The following CNTN3 variants were observed in gnomAD, a reference collection of about 807,000 sequenced individuals.
The protein encoded by CNTN3 is contactin 3.
CNTN3 carries 60 observed loss-of-function variants against 119.1 expected under a neutral mutation model. The ratio of observed to expected loss-of-function variants is 0.50; its 90% CI spans 0.41 to 0.62. The LOEUF (loss-of-function observed/expected upper bound fraction) is 0.62, where lower values mean the gene tolerates loss of function less well. Ranked by LOEUF, CNTN3 falls within the 20% of genes least tolerant of loss-of-function variation. The probability of loss-of-function intolerance (pLI) is 0.00; values close to 1 mark genes in which losing one functional copy is unlikely to be tolerated. For synonymous variants in CNTN3, 450 were observed against 438.7 expected, an observed-to-expected ratio of 1.03 and a Z score of -0.32; for missense variants, 1,101 against 1,242.4, an observed-to-expected ratio of 0.89 and a Z score of 1.71.
In CNTN3 at chr3:74,313,521, G is replaced by A. The variant is rs559805312; in HGVS notation, c.1669-10714C>T. Among the ~76,000 whole-genome samples, 3 of 152,102 alleles carry A rather than the reference G, an allele frequency of 2.0e-5. No homozygotes were observed. In the East Asian group the frequency reaches 5.8e-4, roughly 29 times the overall value. ...AGAGGTGTGGAAGCCATAGACTCTTGGCTCCCTAAATGCTTGCTTAGAAAT... is the reference window on the plus strand; with the variant it reads ...AGAGGTGTGGAAGCCATAGACTCTTAGCTCCCTAAATGCTTGCTTAGAAAT... On this transcript the variant is annotated intron_variant, in intron 13 of 22. Coordinates refer to ENST00000263665, the MANE Select transcript of CNTN3 (RefSeq NM_020872.3).
chr3:74,492,244 T>A (rs1390520573), intron 3 of CNTN3, among the ~76,000 whole-genome samples: 1 of 152,298 alleles, frequency 6.6e-6, no homozygotes, highest in South Asian at 2.1e-4. Flanking sequence ...TGAGCTTTCA[T>A]CCTCTTAAAC....
chr3:74,379,178 CAG>C lies in CNTN3; in HGVS notation c.455-7781_455-7780del, dbSNP rs1704551478. Among the ~76,000 whole-genome samples the C allele has an allele frequency of 3.3e-5, 5 of 152,210 alleles. No individual in the cohort carries two copies. In the South Asian group the frequency reaches 1.0e-3, roughly 32 times the overall value. On this transcript the variant is annotated intron_variant, in intron 5 of 22. Coordinates refer to ENST00000263665, the MANE Select transcript of CNTN3 (RefSeq NM_020872.3). ...TCTTCACTTTTGTTTTTCTTTGAGA[CAG>C]AGTCTTGGTCTGTTGCCCAGGCTGG...
chr3:74,393,255 G>A (rs1192794749), intron 5 of CNTN3, among the ~76,000 whole-genome samples: 1 of 152,086 alleles, frequency 6.6e-6, no homozygotes, highest in Non-Finnish European at 1.5e-5. Flanking sequence ...AGGAGCAGGA[G>A]GTCTGTGTCT....
At chr3:74,323,833 C>G (rs1267374518) in intron 13 of CNTN3, among the ~76,000 whole-genome samples, 1 of 152,118 alleles carries the variant, frequency 6.6e-6, no homozygotes, top group Admixed American at 6.5e-5. Flanking sequence ...TTATAAACTG[C>G]AGCTCTTTCC....
intron 14 of CNTN3, among the ~76,000 whole-genome samples, chr3:74,302,467 T>TG (rs1480880019): frequency 6.6e-6 from 1 of 152,210 alleles, no homozygotes; most frequent in Non-Finnish European, 1.5e-5. Context: ...GCAGCAGCTG[T>TG]GGAATGCCAA....
chr3:74,492,174 T>C lies in CNTN3; in HGVS notation c.183-5543A>G, dbSNP rs1326819400. 2.0e-5 allele frequency among the ~76,000 whole-genome samples: 3 copies of C among 152,194 alleles called. No individual in the cohort carries two copies. The East Asian group carries it at 5.8e-4, about 29-fold the overall frequency. ...ATTTTACACAAATTAGAATCTGCTTTTAGAATCACAAGTGAGAAATGATTT... is the reference window on the plus strand; with the variant it reads ...ATTTTACACAAATTAGAATCTGCTTCTAGAATCACAAGTGAGAAATGATTT... On this transcript the variant is annotated intron_variant, in intron 3 of 22. Coordinates refer to ENST00000263665, the MANE Select transcript of CNTN3 (RefSeq NM_020872.3).
chr3:74,303,326 G>A (rs1435616242), intron 13 of CNTN3, among the ~76,000 whole-genome samples: 1 of 152,172 alleles, frequency 6.6e-6, no homozygotes, highest in African/African-American at 2.4e-5. Context: ...TTCCTTGGCT[G>A]CAGAAGTTAG....
chr3:74,304,973 C>T (rs79957573), intron 13 of CNTN3, among the ~76,000 whole-genome samples: 162 of 152,238 alleles, frequency 1.1e-3, no homozygotes, highest in African/African-American at 3.6e-3. Flanking sequence ...CTAATGCTAT[C>T]TCTCTCCCAC....
At chr3:74,369,513 G>T in intron 7 of CNTN3, 140 bp from the exon 8 acceptor site, 2 of 537,350 alleles carry the variant, frequency 3.7e-6, no homozygotes, top group Non-Finnish European at 3.1e-6. Context: ...ATATAAACCT[G>T]ATAAAAAAGA....
At chr3:74,268,960 G>A (rs769208691) in intron 20 of CNTN3, among the ~76,000 whole-genome samples, 4 of 150,186 alleles carry the variant, frequency 2.7e-5, no homozygotes, top group Non-Finnish European at 5.9e-5. Context: ...ACTGCAAATA[G>A]AACACTGGGG....
At chr3:74,594,325 T>C (rs940603508) in intron 1 of CNTN3, among the ~76,000 whole-genome samples, 6 of 150,670 alleles carry the variant, frequency 4.0e-5, no homozygotes, top group African/African-American at 1.2e-4. Flanking sequence ...TAAGTTTTAG[T>C]GTACATGTGC....
intron 1 of CNTN3, among the ~76,000 whole-genome samples, chr3:74,596,339 T>C (rs1034687756): frequency 2.6e-5 from 4 of 152,212 alleles, no homozygotes; most frequent in African/African-American, 9.6e-5. Context: ...AAAACTACTT[T>C]AACGTTCATG....
chr3:74,460,494 C>A (rs1451877004), intron 4 of CNTN3, among the ~76,000 whole-genome samples: 1 of 151,688 alleles, frequency 6.6e-6, no homozygotes, highest in Non-Finnish European at 1.5e-5. Context: ...GCATAAAGAT[C>A]CTGTACATGT....
At chr3:74,415,866 T>A (rs1175191098) in intron 5 of CNTN3, among the ~76,000 whole-genome samples, 1 of 152,180 alleles carries the variant, frequency 6.6e-6, no homozygotes, top group African/African-American at 2.4e-5. Context: ...AAATTCAGAC[T>A]TGTAGGCTTA....
At chr3:74,364,244 C>T (rs1704138563) in intron 10 of CNTN3, among the ~76,000 whole-genome samples, 1 of 152,080 alleles carries the variant, frequency 6.6e-6, no homozygotes, top group Admixed American at 6.6e-5. Flanking sequence ...TTCCTACTGT[C>T]GATTAACTTA....
chr3:74,519,143 A>G (rs1206328229), intron 2 of CNTN3, among the ~76,000 whole-genome samples: 1 of 151,814 alleles, frequency 6.6e-6, no homozygotes, highest in Non-Finnish European at 1.5e-5. Context: ...TCAGGGGTCC[A>G]TACATTACAT....
intron 1 of CNTN3, among the ~76,000 whole-genome samples, chr3:74,565,249 T>C (rs1424847370): frequency 6.6e-6 from 1 of 152,188 alleles, no homozygotes; most frequent in African/African-American, 2.4e-5. Flanking sequence ...AGAGCCACTC[T>C]TCTCCTGTAG....
intron 1 of CNTN3, among the ~76,000 whole-genome samples, chr3:74,574,930 T>C (rs1306512578): frequency 2.0e-5 from 3 of 151,572 alleles, no homozygotes; most frequent in African/African-American, 7.3e-5. Context: ...ATTTTCTTTT[T>C]TTTTTTTTCT....
intron 5 of CNTN3, among the ~76,000 whole-genome samples, chr3:74,423,779 G>A (rs913479278): frequency 6.6e-6 from 1 of 152,146 alleles, no homozygotes; most frequent in Non-Finnish European, 1.5e-5. Context: ...CAGACCACAT[G>A]ATGGCAATCC....
Sources: gnomAD v4.1 joint callset for allele counts (sites outside exome capture counted in the v4.1 genomes callset) on GRCh38, gnomAD v4.1.1 for gene constraint, MANE v1.5 for transcripts, NCBI Gene and HGNC (gene_info 2026-07-23, HGNC 2026-07-21) for gene names.